Variants in EPHX1 observed in about 807,000 individuals in gnomAD.
The protein encoded by EPHX1 is epoxide hydrolase 1, also known as epoxide hydratase.
EPHX1 carries 40 observed loss-of-function variants against 43.2 expected under a neutral mutation model. That is an observed-to-expected ratio of 0.93 (90% CI 0.72 to 1.21). The LOEUF (loss-of-function observed/expected upper bound fraction) is 1.21, where lower values mean the gene tolerates loss of function less well. Ranked by LOEUF, EPHX1 falls within the 50% of genes most tolerant of loss-of-function variation. The pLI is 0.00. For missense variants in EPHX1, 550 were observed against 570.4 expected (o/e 0.96, Z 0.36); for synonymous variants, 221 against 226.7 (o/e 0.98, Z 0.22).
At chr1:225,812,705 C>G (rs548554637) in intron 1 of EPHX1, among the ~76,000 whole-genome samples, 2 of 152,306 alleles carry the variant, frequency 1.3e-5, no homozygotes, top group East Asian at 3.9e-4. Flanking sequence ...TCAGTTCTTA[C>G]GCCAAGAGGT....
At chr1:225,829,063 C>T (rs1440351215) in intron 2 of EPHX1, 151 bp downstream of exon 2, 2 of 981,520 alleles carry the variant, frequency 2.0e-6, no homozygotes, top group African/African-American at 1.6e-5. Context: ...TTTTCCTCTG[C>T]TGGGCAGGTG....
At chr1:225,834,112 G>GAAAAAAA (rs59007136) in intron 3 of EPHX1, among the ~76,000 whole-genome samples, 1 of 105,790 alleles carries the variant, frequency 9.5e-6, no homozygotes. Flanking sequence ...AAAAAAAAAA[G>GAAAAAAA]AAAAAAAAAA....
chr1:225,845,023 T>G, intron 8 of EPHX1, 123 bp from the exon 9 acceptor site: 1 of 1,085,724 alleles, frequency 9.2e-7, no homozygotes, highest in Non-Finnish European at 1.4e-6. Flanking sequence ...TTTGTCCTTT[T>G]CTTTATGGCT....
chr1:225,824,533 G>A (rs1329291547), intron 1 of EPHX1, among the ~76,000 whole-genome samples: 1 of 152,214 alleles, frequency 6.6e-6, no homozygotes, highest in African/African-American at 2.4e-5. Context: ...ATTTACCAGG[G>A]TCTAGGAATT....
At chr1:225,826,457 A>AAG (rs1667243723) in intron 1 of EPHX1, among the ~76,000 whole-genome samples, 1 of 151,102 alleles carries the variant, frequency 6.6e-6, no homozygotes, top group Non-Finnish European at 1.5e-5. Flanking sequence ...CAAAAAAAAA[A>AAG]AAAAAAAAAA....
At chr1:225,815,550 G>A (rs533803796) in intron 1 of EPHX1, among the ~76,000 whole-genome samples, 2 of 152,132 alleles carry the variant, frequency 1.3e-5, no homozygotes, top group South Asian at 4.2e-4. Flanking sequence ...ACGGCACCCG[G>A]TCGAGATGGA....
At chr1:225,822,775 G>A (rs534079617) in intron 1 of EPHX1, among the ~76,000 whole-genome samples, 7 of 152,294 alleles carry the variant, frequency 4.6e-5, no homozygotes, top group Admixed American at 2.0e-4. Context: ...GCTGATACCC[G>A]AAGATGTACA....
At chr1:225,834,203 G>A (rs1239354619) in intron 3 of EPHX1, among the ~76,000 whole-genome samples, 2 of 150,116 alleles carry the variant, frequency 1.3e-5, no homozygotes, top group Non-Finnish European at 1.5e-5. Flanking sequence ...TCAAGAGATC[G>A]AGACCATCCT....
chr1:225,826,819 C>G (rs1328181244), intron 1 of EPHX1, among the ~76,000 whole-genome samples: 1 of 151,916 alleles, frequency 6.6e-6, no homozygotes, highest in Admixed American at 6.6e-5. Flanking sequence ...GCGAGGCACA[C>G]AGGGGGCTGA....
rs1259302129 is a variant in EPHX1, at chr1:225,839,886, G to C, written c.780G>C (p.Leu260=). Residue 260 remains leucine (L), a synonymous_variant, in exon 6 of 9, where the codon CTG becomes CTC. Coordinates refer to ENST00000272167, the MANE Select transcript of EPHX1 (RefSeq NM_001136018.4). ...MALVLSNFST[L]TLLLGQRFGR... ...TGGTTTTAAGCAACTTCTCTACCCTGACCCTCCTCCTGGGACAGCGTTTCG... is the reference window on the plus strand; with the variant it reads ...TGGTTTTAAGCAACTTCTCTACCCTCACCCTCCTCCTGGGACAGCGTTTCG... 1 of 1,614,078 alleles carries C rather than the reference G, an allele frequency of 6.2e-7. No homozygotes were observed. The highest frequency in any genetic ancestry group is 1.1e-5 in the South Asian group (1 of 91,080).
At chr1:225,811,344 TC>T (rs1666473231) in intron 1 of EPHX1, among the ~76,000 whole-genome samples, 1 of 152,056 alleles carries the variant, frequency 6.6e-6, no homozygotes, top group Non-Finnish European at 1.5e-5. Flanking sequence ...ATAGCCCACC[TC>T]CCATTGTTTA....
chr1:225,836,271 A>G (rs897762543), intron 3 of EPHX1, among the ~76,000 whole-genome samples: 7 of 152,296 alleles, frequency 4.6e-5, no homozygotes, highest in South Asian at 2.1e-4. Flanking sequence ...TGTTGTGTGT[A>G]GATACCAGCA....
intron 1 of EPHX1, among the ~76,000 whole-genome samples, chr1:225,812,188 AG>A (rs1163230453): frequency 6.6e-6 from 1 of 152,226 alleles, no homozygotes; most frequent in African/African-American, 2.4e-5. Context: ...AAACTGAACT[AG>A]CTCAGTCTGT....
chr1:225,824,523 A>G (rs543420824), intron 1 of EPHX1, among the ~76,000 whole-genome samples: 1 of 152,310 alleles, frequency 6.6e-6, no homozygotes, highest in East Asian at 1.9e-4. Flanking sequence ...CATGGATTAC[A>G]TTTACCAGGG....
intron 3 of EPHX1, chr1:225,832,241 G>A (rs574790915): frequency 9.3e-6 from 4 of 429,922 alleles, no homozygotes; most frequent in Non-Finnish European, 1.7e-5. Context: ...GAAGGATGGA[G>A]ATGAGATTTA....
Position 225,845,216 on chromosome 1 carries a change from G to C in EPHX1, c.1237G>C (p.Val413Leu). 6.2e-7 allele frequency: 1 copy of C among 1,614,164 alleles called. No homozygotes were observed. Among genetic ancestry groups the C allele is most frequent in the South Asian group, 1.1e-5 (1 of 91,088 alleles). ...GCTATTGCACACGCCTGAAAAGTGG[G>C]TGAGGTTCAAGTACCCAAAGCTCAT... ...FELLHTPEKW[V>L]RFKYPKLISY... Residue 413 changes from valine (V) to leucine (L), a missense_variant, in exon 9 of 9, where the codon GTG becomes CTG. Transcript: ENST00000272167.
intron 1 of EPHX1, chr1:225,810,564 AAC>A (rs1400190762): frequency 6.6e-6 from 1 of 152,194 alleles, no homozygotes; most frequent in Non-Finnish European, 1.5e-5. Flanking sequence ...CCCAAGTCGG[AAC>A]ACTGATTTTC....
chr1:225,824,587 G>A (rs1468023921), intron 1 of EPHX1, among the ~76,000 whole-genome samples: 2 of 152,198 alleles, frequency 1.3e-5, no homozygotes, highest in East Asian at 1.9e-4. Context: ...GAGCTCCTTC[G>A]CCAGGCGGCT....
Position 225,844,594 on chromosome 1 carries a change from AC to A in EPHX1, c.1138del (p.Gln380ArgfsTer4). 1 of 1,614,132 alleles carries A rather than the reference AC, an allele frequency of 6.2e-7. No homozygotes were observed. The highest frequency in any genetic ancestry group is 2.2e-5 in the East Asian group (1 of 44,876). ...AGCGCTTCTACAAGGAGAACCTGGG[AC>A]AGGGCTGGATGACCCAGAAGCATGA... ...SQRFYKENLG[Q>X]GWMTQKHERM... On this transcript the variant is annotated frameshift_variant, in exon 8 of 9. Coordinates refer to ENST00000272167, the MANE Select transcript of EPHX1 (RefSeq NM_001136018.4). LOFTEE classifies it low-confidence loss of function (END_TRUNC).
Sources: allele counts gnomAD v4.1 joint callset (sites outside exome capture counted in the v4.1 genomes callset), GRCh38; gene constraint gnomAD v4.1.1; transcripts MANE v1.5; gene names NCBI Gene and HGNC (gene_info 2026-07-23, HGNC 2026-07-21).